MACROD2: variants seen among roughly 807,000 people sequenced by gnomAD.
The protein encoded by MACROD2 is mono-ADP ribosylhydrolase 2.
MACROD2 carries 36 observed loss-of-function variants against 70.4 expected under a neutral mutation model. The ratio of observed to expected loss-of-function variants is 0.51; its 90% CI spans 0.39 to 0.68. The LOEUF is 0.68. Among genes scored for constraint, MACROD2 ranks in the 30% least tolerant of loss-of-function variants. The pLI is 0.00. For missense variants in MACROD2, 496 were observed against 538.4 expected (o/e 0.92, Z 0.78); for synonymous variants, 172 against 178.8 (o/e 0.96, Z 0.30).
intron 5 of MACROD2, among the ~76,000 whole-genome samples, chr20:14,981,989 T>A (rs2074805236): frequency 6.6e-6 from 1 of 152,162 alleles, no homozygotes; most frequent in Non-Finnish European, 1.5e-5. Flanking sequence ...CCTAGAGACT[T>A]GTTGAATGAC....
At chr20:14,789,365 T>C (rs1403518265) in intron 5 of MACROD2, among the ~76,000 whole-genome samples, 1 of 151,182 alleles carries the variant, frequency 6.6e-6, no homozygotes, top group Admixed American at 6.6e-5. Flanking sequence ...TTGCAGCCTT[T>C]CTTTGAATCC....
At chr20:14,050,923 G>C (rs182889166) in intron 2 of MACROD2, among the ~76,000 whole-genome samples, 17 of 152,308 alleles carry the variant, frequency 1.1e-4, no homozygotes, top group African/African-American at 4.1e-4. Flanking sequence ...CACGGAACCA[G>C]GTCTTCAGAG....
intron 5 of MACROD2, among the ~76,000 whole-genome samples, chr20:14,693,234 G>C: frequency 6.6e-6 from 1 of 152,164 alleles, no homozygotes; most frequent in East Asian, 1.9e-4. Flanking sequence ...TATCAGCTAA[G>C]ATTAAAAAGA....
At chr20:14,522,391 T>A (rs6110316) in intron 4 of MACROD2, among the ~76,000 whole-genome samples, 27,413 of 152,026 alleles carry the variant, frequency 0.18, 2,872 homozygotes, top group Non-Finnish European at 0.22. Context: ...AATGTAAAGC[T>A]GAAGAGACAT....
At chr20:14,327,320 G>C in intron 3 of MACROD2, 1 of 1,613,834 alleles carries the variant, frequency 6.2e-7, no homozygotes, top group South Asian at 1.1e-5. Flanking sequence ...TGAAGGTAGA[G>C]AGTTGTAGCA....
At chr20:15,489,842 A>G (rs1173758619) in intron 7 of MACROD2, among the ~76,000 whole-genome samples, 2 of 152,038 alleles carry the variant, frequency 1.3e-5, no homozygotes, top group African/African-American at 4.8e-5. Flanking sequence ...GTGGGCTGGT[A>G]TACTGGTCCT....
chr20:14,268,735 T>G (rs1230514855), intron 3 of MACROD2, among the ~76,000 whole-genome samples: 2 of 152,214 alleles, frequency 1.3e-5, no homozygotes, highest in African/African-American at 2.4e-5. Context: ...ATATTAACTA[T>G]TCATATGAAA....
intron 5 of MACROD2, chr20:14,933,823 ATGG>A (rs1255233832): frequency 1.3e-5 from 2 of 152,168 alleles, no homozygotes; most frequent in Non-Finnish European, 2.9e-5. Context: ...ATTGAAGGTA[ATGG>A]TTTACTCTGA....
At chr20:15,332,112 T>A (rs2077999013) in intron 6 of MACROD2, among the ~76,000 whole-genome samples, 1 of 151,554 alleles carries the variant, frequency 6.6e-6, no homozygotes, top group Non-Finnish European at 1.5e-5. Flanking sequence ...ATGGGAAAAG[T>A]TTGAACTGAT....
At chr20:14,371,310 C>T (rs1458719053) in intron 3 of MACROD2, among the ~76,000 whole-genome samples, 1 of 152,016 alleles carries the variant, frequency 6.6e-6, no homozygotes, top group East Asian at 1.9e-4. Flanking sequence ...CACAGCAAGA[C>T]CCCATCTCTA....
chr20:14,213,809 T>A (rs1281719688), intron 3 of MACROD2, among the ~76,000 whole-genome samples: 1 of 152,104 alleles, frequency 6.6e-6, no homozygotes. Flanking sequence ...TATTTCCAAA[T>A]TAAATTAAAA....
intron 8 of MACROD2, among the ~76,000 whole-genome samples, chr20:15,754,351 G>A (rs978130132): frequency 2.6e-5 from 4 of 152,162 alleles, no homozygotes; most frequent in African/African-American, 7.2e-5. Context: ...GGCCAAGCGC[G>A]GTGGCTCACG....
At chr20:15,232,384 T>C (rs1284349868) in intron 6 of MACROD2, among the ~76,000 whole-genome samples, 1 of 152,086 alleles carries the variant, frequency 6.6e-6, no homozygotes, top group Non-Finnish European at 1.5e-5. Context: ...GAATTTCTCA[T>C]AAATCCTTTT....
At chr20:14,223,453 A>G (rs779133704) in intron 3 of MACROD2, 13 of 152,108 alleles carry the variant, frequency 8.5e-5, no homozygotes, top group African/African-American at 3.1e-4. Context: ...GCTCCAGGAA[A>G]GACATCCTGG....
At chr20:15,459,706 GT>G (rs1047052000) in intron 7 of MACROD2, among the ~76,000 whole-genome samples, 139 of 152,178 alleles carry the variant, frequency 9.1e-4, no homozygotes, top group Middle Eastern at 3.4e-3. Context: ...TTTCTAGACA[GT>G]TTTCCTCTCC....
chr20:14,683,862 CT>C lies in MACROD2; in HGVS notation c.302-972del, dbSNP rs11087102. ...TCTTTTCCTTTATTTTATAATCTTGCTTTTTTTTTCTATCCAAGGGGCCCAT... is the reference window on the plus strand; with the variant it reads ...TCTTTTCCTTTATTTTATAATCTTGCTTTTTTTTCTATCCAAGGGGCCCAT... On this transcript the variant is annotated intron_variant, in intron 4 of 17. Coordinates refer to ENST00000684519, the MANE Select transcript of MACROD2 (RefSeq NM_001351661.2). Among the ~76,000 whole-genome samples the C allele has an allele frequency of 6.6e-5, 10 of 151,250 alleles. No homozygotes were observed. In the South Asian group the frequency reaches 1.5e-3, roughly 22 times the overall value.
intron 5 of MACROD2, among the ~76,000 whole-genome samples, chr20:15,080,809 C>G (rs1200256580): frequency 1.3e-5 from 2 of 152,068 alleles, no homozygotes; most frequent in African/African-American, 4.8e-5. Flanking sequence ...AATTAGTATC[C>G]TCTTTAACTT....
At chr20:14,904,784 C>T (rs2073939015) in intron 5 of MACROD2, among the ~76,000 whole-genome samples, 1 of 152,134 alleles carries the variant, frequency 6.6e-6, no homozygotes, top group African/African-American at 2.4e-5. Context: ...GTATGTAACA[C>T]ACTTCTTACA....
At chr20:15,839,097 C>T (rs1023478319) in intron 8 of MACROD2, among the ~76,000 whole-genome samples, 1 of 152,126 alleles carries the variant, frequency 6.6e-6, no homozygotes, top group Non-Finnish European at 1.5e-5. Flanking sequence ...ATTCCTATTT[C>T]AGCTTAAATC....
Sources: gnomAD v4.1 joint callset for allele counts (sites outside exome capture counted in the v4.1 genomes callset) on GRCh38, gnomAD v4.1.1 for gene constraint, MANE v1.5 for transcripts, NCBI Gene and HGNC (gene_info 2026-07-23, HGNC 2026-07-21) for gene names.